The following ATP11A variants were observed in gnomAD, a reference collection of about 807,000 sequenced individuals.
The protein encoded by ATP11A is phospholipid-transporting ATPase IH.
In ATP11A, 81 loss-of-function variants were observed where a neutral mutation model predicts 154.4. The observed-to-expected ratio is 0.52, with a 90% CI of 0.44 to 0.63. ATP11A has a LOEUF of 0.63. ATP11A is among the 30% of genes least tolerant of loss of function. The pLI, the probability that ATP11A is intolerant of heterozygous loss-of-function variation, is 0.00. For synonymous variants in ATP11A, 623 were observed against 585.9 expected (o/e 1.06, Z -0.91); for missense variants, 1,316 against 1,474.3 (o/e 0.89, Z 1.76).
intron 11 of ATP11A, among the ~76,000 whole-genome samples, chr13:112,825,861 A>C (rs950607149): frequency 6.6e-6 from 1 of 152,222 alleles, no homozygotes; most frequent in African/African-American, 2.4e-5. Flanking sequence ...GAGTGCTGAG[A>C]AAATGCTTGT....
In ATP11A at chr13:112,883,897, G is replaced by C. The variant is rs1198030679; in HGVS notation, c.*2031G>C. The C allele has an allele frequency of 6.6e-6, 1 of 152,598 alleles. No individual in the cohort carries two copies. The highest frequency in any genetic ancestry group is 1.5e-5 in the Non-Finnish European group (1 of 68,036). 9.5% of individuals were successfully genotyped at this position (152,598 alleles called of 1,614,324 possible). A position where few individuals can be genotyped will look rare whatever the true frequency, so the allele number is the denominator to read the frequency against. On this transcript the variant is annotated 3_prime_UTR_variant, in exon 30 of 30. Transcript: ENST00000375645. ...TGTAGCGGGGGCAGATTCTCTGTAT[G>C]TTCAGTTAACAAATTATTTGTAATG...
intron 10 of ATP11A, 49 bp downstream of exon 10, chr13:112,824,474 C>A: frequency 6.4e-7 from 1 of 1,556,510 alleles, no homozygotes; most frequent in South Asian, 1.1e-5. Context: ...TGTCATTACC[C>A]ACTGTAGAAA....
At chr13:112,867,610 C>G (rs896664075) in intron 25 of ATP11A, among the ~76,000 whole-genome samples, 4 of 152,232 alleles carry the variant, frequency 2.6e-5, no homozygotes, top group African/African-American at 9.6e-5. Flanking sequence ...ACCTGGTGGT[C>G]AGTGGGCACT....
chr13:112,722,673 A>C (rs1448935049), intron 1 of ATP11A, among the ~76,000 whole-genome samples: 1 of 152,190 alleles, frequency 6.6e-6, no homozygotes, highest in African/African-American at 2.4e-5. Flanking sequence ...GGGCCCTTCA[A>C]ATTTACTTTT....
At chr13:112,775,273 G>T (rs1282928154) in intron 1 of ATP11A, among the ~76,000 whole-genome samples, 1 of 152,228 alleles carries the variant, frequency 6.6e-6, no homozygotes. Flanking sequence ...TGAAGATGCC[G>T]AAAACAGCGC....
At chr13:112,828,127 AGCAGCGTTGAGTAGGGGGGAAAG>A (rs2078983571) in intron 12 of ATP11A, among the ~76,000 whole-genome samples, 5 of 99,568 alleles carry the variant, frequency 5.0e-5, no homozygotes, top group South Asian at 3.7e-4. Context: ...GGAAGCGCCC[AGCAGCGTTGAGTAGGGGGGAAAG>A]CGCCCAGCAG....
rs374668973 is a variant in ATP11A, at chr13:112,824,393, A to G, written c.840A>G (p.Gln280=). The change falls in exon 10 of 30, where the codon CAA becomes CAG. Residue 280 remains glutamine, a synonymous_variant. Coordinates refer to ENST00000375645, the MANE Select transcript of ATP11A (RefSeq NM_015205.3). Reference sequence around the variant, plus strand: ...AAACCAAGATGGCATTAAATTATCAATCAAAATCTCAGAAGCGATCTGCCG... The same window carrying G: ...AAACCAAGATGGCATTAAATTATCAGTCAAAATCTCAGAAGCGATCTGCCG... ...GMETKMALNY[Q]SKSQKRSAVE... is the part of the protein sequence containing the mutation. The G allele has an allele frequency of 1.3e-5, 21 of 1,614,200 alleles. No individual in the cohort carries two copies. The African/African-American group carries it at 2.4e-4, about 18-fold the overall frequency.
chr13:112,825,813 C>T (rs1365403757), intron 11 of ATP11A, among the ~76,000 whole-genome samples: 1 of 152,190 alleles, frequency 6.6e-6, no homozygotes, highest in East Asian at 1.9e-4. Flanking sequence ...ATCATCAGGA[C>T]AATACCTTAA....
At chr13:112,848,196 C>A (rs2079660699) in intron 17 of ATP11A, among the ~76,000 whole-genome samples, 1 of 152,202 alleles carries the variant, frequency 6.6e-6, no homozygotes, top group Admixed American at 6.5e-5. Flanking sequence ...CTTAACAATC[C>A]ATGAACATGG....
At chr13:112,765,452 G>A (rs891689202) in intron 1 of ATP11A, among the ~76,000 whole-genome samples, 25 of 152,312 alleles carry the variant, frequency 1.6e-4, no homozygotes, top group Admixed American at 7.2e-4. Context: ...CATCTGATTC[G>A]GCCCCGTTTC....
intron 2 of ATP11A, among the ~76,000 whole-genome samples, chr13:112,793,332 G>A (rs2077910246): frequency 6.6e-6 from 1 of 152,184 alleles, no homozygotes; most frequent in African/African-American, 2.4e-5. Flanking sequence ...CTCCCAAGTA[G>A]CTGGAACTAC....
At chr13:112,757,438 C>T (rs1051797233) in intron 1 of ATP11A, among the ~76,000 whole-genome samples, 1 of 152,268 alleles carries the variant, frequency 6.6e-6, no homozygotes, top group Admixed American at 6.5e-5. Flanking sequence ...TAATTACTGT[C>T]ACAGGTATTT....
At chr13:112,799,312 G>A (rs573835697) in intron 2 of ATP11A, among the ~76,000 whole-genome samples, 91 of 152,310 alleles carry the variant, frequency 6.0e-4, no homozygotes, top group African/African-American at 1.3e-3. Flanking sequence ...TGTCTCACGC[G>A]TCCATGTGAA....
At chr13:112,786,914 C>T (rs997000069) in intron 2 of ATP11A, among the ~76,000 whole-genome samples, 1 of 151,430 alleles carries the variant, frequency 6.6e-6, no homozygotes, top group Non-Finnish European at 1.5e-5. Flanking sequence ...ACTTAATTCA[C>T]ACCGGTGTCC....
intron 2 of ATP11A, among the ~76,000 whole-genome samples, chr13:112,797,284 C>CAAAAA: frequency 2.8e-5 from 1 of 36,276 alleles, no homozygotes; most frequent in Non-Finnish European, 4.8e-5. Flanking sequence ...AACTCCATCT[C>CAAAAA]AAAAAAAAAA....
intron 1 of ATP11A, among the ~76,000 whole-genome samples, chr13:112,725,709 C>T (rs1394863226): frequency 2.0e-5 from 3 of 152,258 alleles, no homozygotes; most frequent in African/African-American, 7.2e-5. Context: ...GCTGCAAAGT[C>T]CCCATCCCTG....
At chr13:112,773,920 G>C (rs1309682346) in intron 1 of ATP11A, among the ~76,000 whole-genome samples, 1 of 151,226 alleles carries the variant, frequency 6.6e-6, no homozygotes, top group Non-Finnish European at 1.5e-5. Flanking sequence ...GGGAAGTCCT[G>C]CCTGTGCCTC....
intron 16 of ATP11A, among the ~76,000 whole-genome samples, chr13:112,841,098 C>T (rs574990959): frequency 6.6e-6 from 1 of 152,382 alleles, no homozygotes; most frequent in African/African-American, 2.4e-5. Context: ...ACAAACCAGC[C>T]GCCTGGCAGA....
chr13:112,803,069 G>A (rs1236852462), intron 2 of ATP11A, among the ~76,000 whole-genome samples: 2 of 152,144 alleles, frequency 1.3e-5, no homozygotes, highest in Non-Finnish European at 2.9e-5. Context: ...TCATGAACTG[G>A]GGGGAGCCAC....
Sources: gnomAD v4.1 joint callset for allele counts (sites outside exome capture counted in the v4.1 genomes callset) on GRCh38, gnomAD v4.1.1 for gene constraint, MANE v1.5 for transcripts, NCBI Gene and HGNC (gene_info 2026-07-23, HGNC 2026-07-21) for gene names.